Variants in MAPKAP1 observed in about 807,000 individuals in gnomAD.
The protein encoded by MAPKAP1 is target of rapamycin complex 2 subunit MAPKAP1.
A neutral mutation model predicts 65.7 loss-of-function variants in MAPKAP1; 20 were observed. The observed-to-expected ratio is 0.30, with a 90% CI of 0.21 to 0.44. MAPKAP1 has a LOEUF of 0.44. Ranked by LOEUF, MAPKAP1 falls within the 20% of genes least tolerant of loss-of-function variation. The probability of loss-of-function intolerance (pLI) is 1.00; values close to 1 mark genes in which losing one functional copy is unlikely to be tolerated. For synonymous variants in MAPKAP1, 222 were observed against 244.3 expected, an observed-to-expected ratio of 0.91 and a Z score of 0.85; for missense variants, 423 against 648.0, an observed-to-expected ratio of 0.65 and a Z score of 3.77.
At chr9:125,522,998 A>G (rs1829663389) in intron 7 of MAPKAP1, among the ~76,000 whole-genome samples, 1 of 152,186 alleles carries the variant, frequency 6.6e-6, no homozygotes, top group South Asian at 2.1e-4. Context: ...TGACCCCATG[A>G]TATCAGGCCC....
At chr9:125,653,460 T>TAA (rs1833947823) in intron 4 of MAPKAP1, among the ~76,000 whole-genome samples, 2 of 152,198 alleles carry the variant, frequency 1.3e-5, no homozygotes, top group South Asian at 4.1e-4. Context: ...AGATTCATCT[T>TAA]AGGAGATGAG....
chr9:125,652,775 C>T (rs1833929216), intron 4 of MAPKAP1, among the ~76,000 whole-genome samples: 1 of 152,180 alleles, frequency 6.6e-6, no homozygotes, highest in Admixed American at 6.5e-5. Flanking sequence ...CAATCCCCCA[C>T]CCACCCAAAG....
rs903550653 is a variant in MAPKAP1 at position 125,679,820 on chromosome 9, C to A, written c.-69-7177G>T. Among the ~76,000 whole-genome samples the A allele has an allele frequency of 4.3e-4, 66 of 152,200 alleles. 1 individual carries two copies. Among genetic ancestry groups the A allele is most frequent in the Admixed American group, 4.1e-3 (62 of 15,272 alleles). ...CCCCTTCCTGGACTTTCTCAAAACA[C>A]TACCCGCTCACTTCCCTCTGATCTC... On this transcript the variant is annotated intron_variant, in intron 1 of 11. Transcript: ENST00000265960.
At chr9:125,491,727 G>A (rs1376611856) in intron 8 of MAPKAP1, among the ~76,000 whole-genome samples, 1 of 151,792 alleles carries the variant, frequency 6.6e-6, no homozygotes, top group Non-Finnish European at 1.5e-5. Context: ...GTTGCAGTGA[G>A]CTGTGATTGT....
At chr9:125,693,883 A>C (rs1388091674) in intron 1 of MAPKAP1, among the ~76,000 whole-genome samples, 2 of 151,332 alleles carry the variant, frequency 1.3e-5, no homozygotes, top group African/African-American at 4.9e-5. Flanking sequence ...ATATATATAT[A>C]GTTGGCCGGG....
chr9:125,693,762 C>T (rs141112269), intron 1 of MAPKAP1, among the ~76,000 whole-genome samples: 91 of 147,174 alleles, frequency 6.2e-4, no homozygotes, highest in African/African-American at 2.2e-3. Context: ...CATATATACA[C>T]GTATATACAC....
intron 9 of MAPKAP1, among the ~76,000 whole-genome samples, chr9:125,479,592 A>C (rs964410074): frequency 6.6e-6 from 1 of 152,016 alleles, no homozygotes; most frequent in African/African-American, 2.4e-5. Flanking sequence ...AAAAAAAAAA[A>C]AAAAGTCTGG....
At position 125,693,632 on chromosome 9, in the gene MAPKAP1, T is replaced by TATACACACACATATACACGTATAC. The variant is rs1159968079; in HGVS notation, c.-70+13315_-70+13338dup. On this transcript the variant is annotated intron_variant, in intron 1 of 11. Coordinates refer to ENST00000265960, the MANE Select transcript of MAPKAP1 (RefSeq NM_001006617.3). ...ACATATATACACACATATATACACA[T>TATACACACACATATACACGTATAC]ATACACACACATATACACGTATACA... is the stretch of plus-strand genomic sequence containing the variant. Among the ~76,000 whole-genome samples the TATACACACACATATACACGTATAC allele has an allele frequency of 4.7e-4, 68 of 145,036 alleles. 10 individuals carry two copies. Among genetic ancestry groups the TATACACACACATATACACGTATAC allele is most frequent in the Non-Finnish European group, 3.7e-4 (25 of 67,200 alleles).
Position 125,595,862 on chromosome 9 carries a change from G to C in MAPKAP1, c.499-10135C>G. On this transcript the variant is annotated intron_variant, in intron 4 of 11. Transcript: ENST00000265960. The surrounding 1 kb of genome is among the most constrained non-coding windows in gnomAD (Gnocchi z 4.0). Reference sequence around the variant, plus strand: ...TGGGTTTGTCACCTATGCCACTGTGGAGGAGGTGGATGCAGCCATGAATGC... The same window carrying C: ...TGGGTTTGTCACCTATGCCACTGTGCAGGAGGTGGATGCAGCCATGAATGC... 8.8e-7 allele frequency: 1 copy of C among 1,135,176 alleles called. No homozygotes were observed. 70.3% of individuals were successfully genotyped at this position (1,135,176 alleles called of 1,614,324 possible).
intron 5 of MAPKAP1, chr9:125,567,920 C>T (rs1332485790): frequency 6.6e-6 from 1 of 152,150 alleles, no homozygotes; most frequent in Non-Finnish European, 1.5e-5. Flanking sequence ...TCTCTCGAAC[C>T]ACAAAAGGGA....
chr9:125,463,705 A>C (rs1853578273), intron 10 of MAPKAP1, among the ~76,000 whole-genome samples: 1 of 152,228 alleles, frequency 6.6e-6, no homozygotes, highest in Non-Finnish European at 1.5e-5. Flanking sequence ...GCATGAACAG[A>C]ATCAGATTTC....
chr9:125,531,987 A>T (rs1431457231), intron 7 of MAPKAP1, among the ~76,000 whole-genome samples: 1 of 152,228 alleles, frequency 6.6e-6, no homozygotes, highest in Non-Finnish European at 1.5e-5. Context: ...CACACTTGGC[A>T]ATTGCAGCTC....
At position 125,536,585 on chromosome 9, in the gene MAPKAP1, T is replaced by TTCATTCATTC. The variant is rs1554818636; in HGVS notation, c.958+6473_958+6474insGAATGAATGA. Among the ~76,000 whole-genome samples the TTCATTCATTC allele has an allele frequency of 2.6e-3, 392 of 151,728 alleles. 1 individual carries two copies. The highest frequency in any genetic ancestry group is 6.7e-3 in the African/African-American group (279 of 41,352). On this transcript the variant is annotated intron_variant, in intron 7 of 11. Coordinates refer to ENST00000265960, the MANE Select transcript of MAPKAP1 (RefSeq NM_001006617.3). Reference sequence around the variant, plus strand: ...CACTTAAACAGTTCTATTTTCCATTTATTCATTCATTCATTCATTCAGTGT... The same window carrying TTCATTCATTC: ...CACTTAAACAGTTCTATTTTCCATTTTCATTCATTCATTCATTCATTCATTCATTCAGTGT...
At chr9:125,498,881 G>A (rs1048205853) in intron 8 of MAPKAP1, among the ~76,000 whole-genome samples, 20 of 151,914 alleles carry the variant, frequency 1.3e-4, no homozygotes, top group Admixed American at 3.3e-4. Flanking sequence ...ACATCTCCTC[G>A]AGGGCTCTGC....
intron 8 of MAPKAP1, among the ~76,000 whole-genome samples, chr9:125,498,395 C>G (rs1828870256): frequency 6.6e-6 from 1 of 152,186 alleles, no homozygotes; most frequent in Non-Finnish European, 1.5e-5. Context: ...GGCTGGATAA[C>G]TTCGAGCAAG....
chr9:125,537,257 C>T (rs557149551), intron 7 of MAPKAP1, among the ~76,000 whole-genome samples: 1 of 152,298 alleles, frequency 6.6e-6, no homozygotes, highest in East Asian at 1.9e-4. Flanking sequence ...ATACAGTTAC[C>T]ATAGGTCCTT....
At chr9:125,527,478 T>G (rs1205532425) in intron 7 of MAPKAP1, among the ~76,000 whole-genome samples, 2 of 152,218 alleles carry the variant, frequency 1.3e-5, no homozygotes, top group African/African-American at 4.8e-5. Context: ...TTAAGTTTTT[T>G]TGTGTGTGTG....
chr9:125,700,564 T>C (rs1177527523), intron 1 of MAPKAP1, among the ~76,000 whole-genome samples: 1 of 152,218 alleles, frequency 6.6e-6, no homozygotes. Context: ...TTTAAGTGGT[T>C]TCTCCCATTT....
chr9:125,625,251 T>TA (rs1833073598), intron 4 of MAPKAP1, among the ~76,000 whole-genome samples: 8 of 10,462 alleles, frequency 7.6e-4, no homozygotes, highest in African/African-American at 1.9e-3. Flanking sequence ...AAAAAATAAA[T>TA]AAATAAAAAA....
Sources: gnomAD v4.1 joint callset for allele counts (sites outside exome capture counted in the v4.1 genomes callset) on GRCh38, gnomAD v4.1.1 for gene constraint, Gnocchi (gnomAD v3.1) non-coding constraint, MANE v1.5 for transcripts, NCBI Gene and HGNC (gene_info 2026-07-23, HGNC 2026-07-21) for gene names.